EML5: variants seen among roughly 807,000 people sequenced by gnomAD.
EML5 encodes echinoderm microtubule-associated protein-like 5.
EML5 carries 120 observed loss-of-function variants against 250.0 expected under a neutral mutation model. The observed-to-expected ratio is 0.48, with a 90% CI of 0.41 to 0.56. EML5 has a LOEUF of 0.56. Among genes scored for constraint, EML5 ranks in the 20% least tolerant of loss-of-function variants. EML5 has a pLI of 0.00. For missense variants in EML5, 2,006 were observed against 2,437.6 expected, an observed-to-expected ratio of 0.82 and a Z score of 3.73; for synonymous variants, 771 against 806.5, an observed-to-expected ratio of 0.96 and a Z score of 0.75.
chr14:88,694,203 T>A (rs1299505139), intron 17 of EML5, 104 bp downstream of exon 17: 1 of 708,006 alleles, frequency 1.4e-6, no homozygotes, highest in African/African-American at 1.8e-5. Flanking sequence ...GTTCCTGCTC[T>A]ATTCCAGGAT....
At chr14:88,730,561 ATAAT>A (rs2093739531) in intron 7 of EML5, among the ~76,000 whole-genome samples, 1 of 152,218 alleles carries the variant, frequency 6.6e-6, no homozygotes, top group Admixed American at 6.5e-5. Flanking sequence ...AACACTACCA[ATAAT>A]TAATTTAAAA....
At chr14:88,702,719 T>C (rs929253916) in intron 13 of EML5, 87 bp from the exon 14 acceptor site, 14 of 936,220 alleles carry the variant, frequency 1.5e-5, no homozygotes, top group Non-Finnish European at 2.1e-5. Flanking sequence ...AGGTACCCTT[T>C]GGGTGAATCA....
chr14:88,674,294 A>G (rs569696880), intron 21 of EML5, among the ~76,000 whole-genome samples: 27 of 152,132 alleles, frequency 1.8e-4, no homozygotes, highest in Non-Finnish European at 2.8e-4. Flanking sequence ...CAACAACAAT[A>G]AAAACCCTGA....
chr14:88,740,681 A>C, intron 4 of EML5, 109 bp from the exon 5 acceptor site: 1 of 953,516 alleles, frequency 1.0e-6, no homozygotes, highest in Non-Finnish European at 1.5e-6. Flanking sequence ...AAATTAACTA[A>C]GAAATTGCCT....
At chr14:88,734,324 G>A (rs2140175544) in intron 7 of EML5, among the ~76,000 whole-genome samples, 1 of 152,080 alleles carries the variant, frequency 6.6e-6, no homozygotes, top group South Asian at 2.1e-4. Flanking sequence ...AATAATGAGT[G>A]GTAAATGTAA....
At chr14:88,639,572 A>G (rs1453919460) in intron 31 of EML5, among the ~76,000 whole-genome samples, 2 of 152,174 alleles carry the variant, frequency 1.3e-5, no homozygotes, top group East Asian at 3.9e-4. Flanking sequence ...GTGGAGGAAG[A>G]ACTGCAATCT....
In EML5 at chr14:88,682,027, T is replaced by A. The variant is rs754058249; in HGVS notation, c.2987A>T (p.His996Leu). 6.3e-7 allele frequency: 1 copy of A among 1,594,134 alleles called. No individual in the cohort carries two copies. Residue 996 changes from histidine (H) to leucine (L), a missense_variant, in exon 21 of 44, where the codon CAC (histidine) becomes CTC (leucine). Around this residue, in one of 7 missense-constraint regions of EML5, gnomAD observed 1,375 missense variants for 1,590.3 expected, o/e 0.86. Coordinates refer to ENST00000554922, the MANE Select transcript of EML5 (RefSeq NM_183387.3). ...TAAACCCCACACCTCTCCTTCCATG[T>A]GTCCCTATAAAGAAAACATAGGATC... ...SGPITLLVQGHMEGEVWGLAT... is the reference protein window; with the variant it reads ...SGPITLLVQGLMEGEVWGLAT...
intron 1 of EML5, among the ~76,000 whole-genome samples, chr14:88,785,101 G>T (rs756855380): frequency 8.5e-5 from 13 of 152,116 alleles, no homozygotes; most frequent in Non-Finnish European, 2.9e-5. Context: ...GACAAACATC[G>T]CATGTTCCCA....
chr14:88,663,285 T>A (rs974811188), intron 23 of EML5, among the ~76,000 whole-genome samples, 166 bp from the exon 24 acceptor site: 3 of 152,200 alleles, frequency 2.0e-5, no homozygotes, highest in African/African-American at 7.2e-5. Context: ...TAATTCCATA[T>A]TACTAAGTAA....
At position 88,687,258 on chromosome 14, in the gene EML5, T is replaced by A. The variant is rs368109589; in HGVS notation, c.2812A>T (p.Thr938Ser). The change falls in exon 19 of 44, where the codon ACC (threonine) becomes TCC (serine). Residue 938 changes from threonine to serine, a missense_variant. Physicochemically the swap from Thr to Ser is moderately conservative, Grantham distance 58 (BLOSUM62 1). Coordinates refer to ENST00000554922, the MANE Select transcript of EML5 (RefSeq NM_183387.3). ...AATGCAGCTCTTTTTATAGCATAGG[T>A]CTTGAGACATCTTTCAAAAGAGTCA... is the stretch of plus-strand genomic sequence containing the variant. ...WDDSFERCLKTYAIKRAALAP... is the reference protein window; with the variant it reads ...WDDSFERCLKSYAIKRAALAP... 20 of 1,612,182 alleles carry A rather than the reference T, an allele frequency of 1.2e-5. No individual in the cohort carries two copies. Among genetic ancestry groups the A allele is most frequent in the Non-Finnish European group, 1.7e-5 (20 of 1,179,300 alleles).
chr14:88,630,408 G>C (rs772771829), intron 33 of EML5, among the ~76,000 whole-genome samples: 24 of 152,140 alleles, frequency 1.6e-4, no homozygotes, highest in Non-Finnish European at 2.8e-4. Flanking sequence ...TTTAGTCTCT[G>C]TAGTGAGTAA....
At chr14:88,719,944 G>A (rs2139995670) in intron 8 of EML5, among the ~76,000 whole-genome samples, 1 of 152,140 alleles carries the variant, frequency 6.6e-6, no homozygotes, top group South Asian at 2.1e-4. Context: ...AACAACAAAT[G>A]ATAAAGGGGA....
chr14:88,725,865 C>T (rs948121612), intron 8 of EML5, among the ~76,000 whole-genome samples: 1 of 152,112 alleles, frequency 6.6e-6, no homozygotes, highest in African/African-American at 2.4e-5. Context: ...CTCCAGAACT[C>T]TTTAATTAAC....
chr14:88,762,888 T>G (rs1450448359), intron 1 of EML5, among the ~76,000 whole-genome samples: 1 of 152,142 alleles, frequency 6.6e-6, no homozygotes, highest in South Asian at 2.1e-4. Flanking sequence ...ACACGGAAAC[T>G]GAACAACCTG....
chr14:88,746,098 C>G, intron 3 of EML5, 87 bp downstream of exon 3: 1 of 1,084,782 alleles, frequency 9.2e-7, no homozygotes, highest in Non-Finnish European at 1.3e-6. Context: ...CTGGCAATAA[C>G]AAAATACAGA....
chr14:88,790,975 T>C (rs534277214), intron 1 of EML5, among the ~76,000 whole-genome samples: 3 of 152,146 alleles, frequency 2.0e-5, no homozygotes, highest in Non-Finnish European at 4.4e-5. Flanking sequence ...AAGTAATACA[T>C]TAAATACAAT....
chr14:88,676,205 G>A (rs1422082422), intron 21 of EML5, among the ~76,000 whole-genome samples: 4 of 152,114 alleles, frequency 2.6e-5, no homozygotes, highest in African/African-American at 7.2e-5. Flanking sequence ...GTATTAGTCC[G>A]TTCTCACACT....
chr14:88,620,772 C>A lies in EML5; in HGVS notation c.5357G>T (p.Cys1786Phe). 2 of 1,598,030 alleles carry A rather than the reference C, an allele frequency of 1.3e-6. No individual in the cohort carries two copies. The highest frequency in any genetic ancestry group is 2.3e-5 in the South Asian group (2 of 87,528). The part of the protein sequence containing the change: ...KIWGKKRDRR[C>F]AIHDIRFSPD... ...CACTAACCTGATATCATGGATTGCA[C>A]ATCTCCTGTCTCTCTTCTTTCCCCA... The change falls in exon 39 of 44, where the codon TGT becomes TTT. Residue 1786 changes from cysteine (C) to phenylalanine (F), a missense_variant. Physicochemically the swap from Cys to Phe is radical, Grantham distance 205. Coordinates refer to ENST00000554922, the MANE Select transcript of EML5 (RefSeq NM_183387.3). The surrounding 1 kb of genome is among the most constrained non-coding windows in gnomAD (Gnocchi z 4.3).
chr14:88,613,087 T>G lies in EML5; in HGVS notation c.*2731A>C, dbSNP rs762728462. ...AGATTGTCAAGCCAGCAGTCTACTGTTGTGTTGCCATTGCTTTTCCATTGG... is the reference window on the plus strand; with the variant it reads ...AGATTGTCAAGCCAGCAGTCTACTGGTGTGTTGCCATTGCTTTTCCATTGG... On this transcript the variant is annotated 3_prime_UTR_variant, in exon 44 of 44. Coordinates refer to ENST00000554922, the MANE Select transcript of EML5 (RefSeq NM_183387.3). The G allele has an allele frequency of 4.6e-5, 7 of 152,504 alleles. No individual in the cohort carries two copies. Among genetic ancestry groups the G allele is most frequent in the African/African-American group, 9.6e-5 (4 of 41,462 alleles). 9.4% of individuals were successfully genotyped at this position (152,504 alleles called of 1,614,324 possible). A position where few individuals can be genotyped will look rare whatever the true frequency, so the allele number is the denominator to read the frequency against.
Sources: allele counts gnomAD v4.1 joint callset (sites outside exome capture counted in the v4.1 genomes callset), GRCh38; gene constraint gnomAD v4.1.1; regional missense constraint gnomAD v4.1.1; non-coding constraint Gnocchi (gnomAD v3.1); transcripts MANE v1.5; gene names NCBI Gene and HGNC (gene_info 2026-07-23, HGNC 2026-07-21).